The following FKBP5 variants were observed in gnomAD, a reference collection of about 807,000 sequenced individuals.
The protein encoded by FKBP5 is peptidyl-prolyl cis-trans isomerase FKBP5.
In FKBP5, 23 loss-of-function variants were observed where a neutral mutation model predicts 50.5. The observed-to-expected ratio is 0.46, with a 90% confidence interval of 0.33 to 0.65. FKBP5 has a LOEUF of 0.65. Among genes scored for constraint, FKBP5 ranks in the 30% least tolerant of loss-of-function variants. FKBP5 has a pLI of 0.02. For synonymous variants in FKBP5, 176 were observed against 190.6 expected (o/e 0.92, Z 0.63); for missense variants, 411 against 553.1 (o/e 0.74, Z 2.58).
rs140458482 is a variant in FKBP5, at chr6:35,581,847, T to C, written c.841-1626A>G. 842 of 985,456 alleles carry C rather than the reference T, an allele frequency of 8.5e-4. 2 individuals carry two copies. In the Middle Eastern group the frequency reaches 9.9e-3, roughly 12 times the overall value. 61.0% of individuals were successfully genotyped at this position (985,456 alleles called of 1,614,324 possible). A position where few individuals can be genotyped will look rare whatever the true frequency, so the allele number is the denominator to read the frequency against. On this transcript the variant is annotated intron_variant, in intron 8 of 10. Coordinates refer to ENST00000357266, the MANE Select transcript of FKBP5 (RefSeq NM_004117.4). ...TGCCTGACCAACAGTGTTAAGACCA[T>C]GTTACTAGGATTTACCACAGCCCAA...
chr6:35,582,732 CA>C (rs35705649), intron 8 of FKBP5: 66 of 919,586 alleles, frequency 7.2e-5, no homozygotes, highest in Admixed American at 5.7e-4. Flanking sequence ...TTGGATGCTA[CA>C]AAAAAAAAAG....
intron 1 of FKBP5, among the ~76,000 whole-genome samples, chr6:35,647,934 A>T (rs181472746): frequency 7.2e-5 from 11 of 152,244 alleles, no homozygotes; most frequent in Admixed American, 2.0e-4. Context: ...TTTTCCTTTG[A>T]TGTCTCTGTC....
chr6:35,720,047 G>A lies in FKBP5; in HGVS notation c.-20+281C>T, dbSNP rs556383709. Among the ~76,000 whole-genome samples the A allele has an allele frequency of 2.6e-5, 4 of 152,324 alleles. No homozygotes were observed. The East Asian group carries it at 7.7e-4, about 29-fold the overall frequency. On this transcript the variant is annotated intron_variant, in intron 2 of 11. Coordinates refer to the FKBP5 transcript ENST00000536438. ...TTTGCTTTAAAACTAGAAGCAGCTC[G>A]GCAGTTGGGGGCTAGGGCGGGGTGG...
intron 1 of FKBP5, among the ~76,000 whole-genome samples, chr6:35,655,967 G>A (rs1764933587): frequency 6.6e-6 from 1 of 152,064 alleles, no homozygotes; most frequent in Non-Finnish European, 1.5e-5. Context: ...AAGAACAAAG[G>A]ACCACACCTA....
At chr6:35,576,700 T>C (rs1294607429) in intron 10 of FKBP5, among the ~76,000 whole-genome samples, 2 of 141,858 alleles carry the variant, frequency 1.4e-5, no homozygotes, top group African/African-American at 2.6e-5. Context: ...GCGGGGGGAG[T>C]TGGTGCAAAA....
rs116873270 is a variant in FKBP5, at chr6:35,685,468, A to G, written c.-20+3336T>C. 2.1e-4 allele frequency among the ~76,000 whole-genome samples: 32 copies of G among 151,906 alleles called. 1 individual carries two copies. In the East Asian group the frequency reaches 6.2e-3, roughly 29 times the overall value. On this transcript the variant is annotated intron_variant, in intron 1 of 10. Coordinates refer to ENST00000357266, the MANE Select transcript of FKBP5 (RefSeq NM_004117.4). Reference sequence around the variant, plus strand: ...GTACTGCAGAAAAATTTAGAAATATAAAATACTTAAAAAACAAAATCTACT... The same window carrying G: ...GTACTGCAGAAAAATTTAGAAATATGAAATACTTAAAAAACAAAATCTACT...
At position 35,668,452 on chromosome 6, in the gene FKBP5, C is replaced by T. The variant is rs140411267; in HGVS notation, c.-20+20352G>A. ...TGAAAAGAGTCTAATTTTAATGAAA[C>T]TATTAAATTGATTATAATTAAGTGA... On this transcript the variant is annotated intron_variant, in intron 1 of 10. Coordinates refer to ENST00000357266, the MANE Select transcript of FKBP5 (RefSeq NM_004117.4). Among the ~76,000 whole-genome samples, 1,064 of 152,268 alleles carry T rather than the reference C, an allele frequency of 7.0e-3. 11 individuals are homozygous for T. Among genetic ancestry groups the T allele is most frequent in the African/African-American group, 0.022 (917 of 41,556 alleles).
At position 35,575,621 on chromosome 6, in the gene FKBP5, G is replaced by C; in HGVS notation, c.*214C>G. ...CTCCACACCACAGTCATTTCTGTTTGTTCCACCTGGAGTGGTCCCGTGCCA... is the reference window on the plus strand; with the variant it reads ...CTCCACACCACAGTCATTTCTGTTTCTTCCACCTGGAGTGGTCCCGTGCCA... On this transcript the variant is annotated 3_prime_UTR_variant, in exon 11 of 11. Coordinates refer to ENST00000357266, the MANE Select transcript of FKBP5 (RefSeq NM_004117.4). The C allele has an allele frequency of 1.9e-6, 1 of 535,532 alleles. No homozygotes were observed. Among genetic ancestry groups the C allele is most frequent in the Non-Finnish European group, 3.4e-6 (1 of 296,438 alleles). 33.2% of individuals were successfully genotyped at this position (535,532 alleles called of 1,614,324 possible).
chr6:35,682,392 T>C (rs556739838), intron 1 of FKBP5, among the ~76,000 whole-genome samples: 2 of 152,316 alleles, frequency 1.3e-5, no homozygotes, highest in African/African-American at 4.8e-5. Context: ...CTGGGACATC[T>C]TGACTTTCAA....
chr6:35,679,392 A>T (rs900054402), intron 1 of FKBP5, among the ~76,000 whole-genome samples: 13 of 152,254 alleles, frequency 8.5e-5, no homozygotes, highest in Admixed American at 8.5e-4. Context: ...AATGGACCAT[A>T]AAAGGGGAAA....
intron 1 of FKBP5, among the ~76,000 whole-genome samples, chr6:35,680,430 A>G (rs548782969): frequency 6.6e-6 from 1 of 152,238 alleles, no homozygotes; most frequent in African/African-American, 2.4e-5. Flanking sequence ...ACCCTGTTTC[A>G]AAAGAAAAAA....
intron 1 of FKBP5, among the ~76,000 whole-genome samples, chr6:35,650,203 G>A (rs984812894): frequency 3.3e-5 from 5 of 150,654 alleles, no homozygotes; most frequent in African/African-American, 7.3e-5. Flanking sequence ...AAAAATACAC[G>A]CCTGTGGTCC....
intron 8 of FKBP5, chr6:35,585,082 C>G (rs1196507542): frequency 2.0e-6 from 2 of 985,072 alleles, no homozygotes; most frequent in East Asian, 2.3e-4. Flanking sequence ...ATTAGAGCCT[C>G]TGAATAGCTG....
chr6:35,602,814 GA>G (rs1223119736), intron 5 of FKBP5, among the ~76,000 whole-genome samples: 1 of 152,090 alleles, frequency 6.6e-6, no homozygotes, highest in Admixed American at 6.6e-5. Flanking sequence ...CTGGCTCCTG[GA>G]ACTGAATAAC....
chr6:35,643,417 A>T lies in FKBP5; in HGVS notation c.-19-574T>A, dbSNP rs550441321. ...AACATTTCTTAAAAGATTAGCATAGATTGGTAACTTAAACATATTTAACCA... is the reference window on the plus strand; with the variant it reads ...AACATTTCTTAAAAGATTAGCATAGTTTGGTAACTTAAACATATTTAACCA... On this transcript the variant is annotated intron_variant, in intron 1 of 10. Coordinates refer to ENST00000357266, the MANE Select transcript of FKBP5 (RefSeq NM_004117.4). 2.6e-5 allele frequency among the ~76,000 whole-genome samples: 4 copies of T among 152,314 alleles called. No homozygotes were observed. The East Asian group carries it at 7.7e-4, about 29-fold the overall frequency.
At chr6:35,662,005 C>T (rs564298602) in intron 1 of FKBP5, among the ~76,000 whole-genome samples, 19 of 152,288 alleles carry the variant, frequency 1.2e-4, no homozygotes, top group African/African-American at 4.6e-4. Flanking sequence ...ATACTTTCAA[C>T]ATTAGTAGTA....
chr6:35,722,956 G>A (rs1404250126), intron 1 of FKBP5, among the ~76,000 whole-genome samples: 3 of 152,310 alleles, frequency 2.0e-5, no homozygotes, highest in Admixed American at 6.5e-5. Context: ...AGGCATGGCC[G>A]GGCGCGATGG....
At position 35,697,494 on chromosome 6, in the gene FKBP5, C is replaced by A. The variant is rs146772476; in HGVS notation, c.-20+22834G>T. Among the ~76,000 whole-genome samples the A allele has an allele frequency of 4.5e-3, 642 of 143,524 alleles. 3 individuals are homozygous for A. Among genetic ancestry groups the A allele is most frequent in the African/African-American group, 0.015 (578 of 38,606 alleles). 94.2% of individuals were successfully genotyped at this position (143,524 alleles called of 152,430 possible). On this transcript the variant is annotated intron_variant, in intron 2 of 11. Coordinates refer to the FKBP5 transcript ENST00000536438. ...CCCAGGAGGTGGAGGTTGCAGTGAG[C>A]CAAGATGGCACCATTGCACTCCAGC...
intron 1 of FKBP5, among the ~76,000 whole-genome samples, chr6:35,682,721 C>A (rs1765703189): frequency 6.6e-6 from 1 of 151,796 alleles, no homozygotes; most frequent in Non-Finnish European, 1.5e-5. Flanking sequence ...AAAAAACGAA[C>A]AATTTCAAAA....
Sources: allele counts gnomAD v4.1 joint callset (sites outside exome capture counted in the v4.1 genomes callset), GRCh38; gene constraint gnomAD v4.1.1; transcripts MANE v1.5; gene names NCBI Gene and HGNC (gene_info 2026-07-23, HGNC 2026-07-21).